Variants in SEPTIN4 observed in about 807,000 individuals in gnomAD.
SEPTIN4 encodes septin-4.
Under a neutral mutation model 107.1 loss-of-function variants are expected in SEPTIN4, and 52 were observed. The observed-to-expected ratio is 0.49, with a 90% CI of 0.39 to 0.61. The LOEUF (loss-of-function observed/expected upper bound fraction) is 0.61, where lower values mean the gene tolerates loss of function less well. Ranked by LOEUF, SEPTIN4 falls within the 20% of genes least tolerant of loss-of-function variation. The pLI is 0.00. For missense variants in SEPTIN4, 1,048 were observed against 1,243.5 expected (o/e 0.84, Z 2.36); for synonymous variants, 417 against 467.0 (o/e 0.89, Z 1.38).
rs1178100168 is a variant in SEPTIN4 at position 58,542,710 on chromosome 17, T to C, written c.1477A>G (p.Ser493Gly). 17 of 1,614,212 alleles carry C rather than the reference T, an allele frequency of 1.1e-5. No homozygotes were observed. Among genetic ancestry groups the C allele is most frequent in the Non-Finnish European group, 1.2e-5 (14 of 1,180,040 alleles). ...SPPSPPKEFP[S>G]WAPLSEVPQT... is the part of the protein sequence containing the mutation. ...GGCACTTCACTCAGTGGTGCCCAAC[T>C]TGGAAACTCCTTTGGTGGTGATGGT... Residue 493 changes from serine (S) to glycine (G), a missense_variant, in exon 1 of 14, where the codon AGT becomes GGT. By Grantham distance (56) the Ser-to-Gly change is moderately conservative. Transcript: ENST00000672673.
Position 58,542,012 on chromosome 17 carries a change from G to A in SEPTIN4, c.1562-46C>T, listed in dbSNP as rs776841390. On this transcript the variant is annotated intron_variant, in intron 1 of 13. Coordinates refer to ENST00000672673, the MANE Select transcript of SEPTIN4 (RefSeq NM_001368771.2). ...GTTGCTTTTCTTCTCTCTGTGGGATGCACATCCCACTCTCCACTACTTGCA... is the reference window on the plus strand; with the variant it reads ...GTTGCTTTTCTTCTCTCTGTGGGATACACATCCCACTCTCCACTACTTGCA... 1.9e-6 allele frequency: 3 copies of A among 1,593,382 alleles called. No homozygotes were observed. The African/African-American group carries it at 4.0e-5, about 21-fold the overall frequency.
At chr17:58,528,508 T>C (rs556500390) in intron 3 of SEPTIN4, 1 of 152,726 alleles carries the variant, frequency 6.5e-6, no homozygotes, top group East Asian at 1.9e-4. Flanking sequence ...ACCTATGACA[T>C]TTGTGAGGTC....
rs1353834262 is a variant in SEPTIN4 at position 58,541,924 on chromosome 17, T to C, written c.1604A>G (p.Lys535Arg). 5.0e-6 allele frequency: 8 copies of C among 1,614,012 alleles called. No individual in the cohort carries two copies. The highest frequency in any genetic ancestry group is 5.9e-6 in the Non-Finnish European group (7 of 1,179,990). The stretch of plus-strand genomic sequence containing the variant: ...CCATAGGAGGGAAAAGCACAGACCT[T>C]TTAGCCACCAGATGACACGATTGTA... ...EMYNRVIWWL[K>R]DEEIKRFLED... The change falls in exon 2 of 14, where the codon AAA (lysine) becomes AGA (arginine). Residue 535 changes from lysine to arginine, a missense_variant and splice_region_variant. By Grantham distance (26) the Lys-to-Arg change is conservative. Transcript: ENST00000672673.
At chr17:58,531,806 G>T in intron 3 of SEPTIN4, 1 of 671,530 alleles carries the variant, frequency 1.5e-6, no homozygotes, top group Non-Finnish European at 1.9e-6. Flanking sequence ...CCGCCCGGCA[G>T]CAGTGCCAGC....
At position 58,543,554 on chromosome 17, in the gene SEPTIN4, C is replaced by T. The variant is rs139661038; in HGVS notation, c.633G>A (p.Thr211=). The T allele has an allele frequency of 8.1e-6, 13 of 1,613,994 alleles. No homozygotes were observed. Among genetic ancestry groups the T allele is most frequent in the Non-Finnish European group, 1.0e-5 (12 of 1,180,030 alleles). Residue 211 remains threonine (T), a synonymous_variant, in exon 1 of 14, where the codon ACG becomes ACA. Coordinates refer to ENST00000672673, the MANE Select transcript of SEPTIN4 (RefSeq NM_001368771.2). The stretch of plus-strand genomic sequence containing the variant: ...TTGGAGATCTGATCTCACTAGTAGT[C>T]GTAATTCTTTGGATGGGCTCAGTTT... ...AVQTEPIQRI[T]TTSEIRSPRS...
At chr17:58,527,169 TCC>T in intron 3 of SEPTIN4, 191 bp from the exon 4 acceptor site, 1 of 1,002,912 alleles carries the variant, frequency 1.0e-6, no homozygotes, top group Non-Finnish European at 1.6e-6. Flanking sequence ...CTCACAAGCC[TCC>T]CCAATCCAAT....
At position 58,533,249 on chromosome 17, in the gene SEPTIN4, A is replaced by G. The variant is rs189466054; in HGVS notation, c.1615-6271T>C. ...CTGGAGATGTTATTGGCTGTTTGGC[A>G]CTGGTGGACTGGAAGATGGCAGGGT... On this transcript the variant is annotated intron_variant, in intron 3 of 13. Transcript: ENST00000672673. 2.8e-3 allele frequency among the ~76,000 whole-genome samples: 423 copies of G among 152,276 alleles called. 2 individuals are homozygous for G. Among genetic ancestry groups the G allele is most frequent in the Middle Eastern group, 0.017 (5 of 294 alleles).
Position 58,538,679 on chromosome 17 carries a change from C to A in SEPTIN4, c.1614+1987G>T, listed in dbSNP as rs566391287. On this transcript the variant is annotated intron_variant, in intron 3 of 13. Coordinates refer to ENST00000672673, the MANE Select transcript of SEPTIN4 (RefSeq NM_001368771.2). The surrounding 1 kb of genome is among the most constrained non-coding windows in gnomAD (Gnocchi z 4.7). ...AATGCTTCCCTTAGTCCAGCATAAC[C>A]TCCTCTGGGGAGACTCCTGCCCCTA... Among the ~76,000 whole-genome samples the A allele has an allele frequency of 5.9e-5, 9 of 152,316 alleles. No individual in the cohort carries two copies. The South Asian group carries it at 1.9e-3, about 32-fold the overall frequency.
At position 58,521,910 on chromosome 17, in the gene SEPTIN4, TG is replaced by T; in HGVS notation, c.2351+56del. On this transcript the variant is annotated intron_variant, in intron 8 of 13. Transcript: ENST00000672673. The surrounding 1 kb of genome is among the most constrained non-coding windows in gnomAD (Gnocchi z 6.4). ...GTGGCAGCCCTGCCCCTGGTGCTCT[TG>T]GCCTGTTCCCTTGACAGCACCCGGT... 1 of 1,614,248 alleles carries T rather than the reference TG, an allele frequency of 6.2e-7. No individual in the cohort carries two copies. Among genetic ancestry groups the T allele is most frequent in the Non-Finnish European group, 8.5e-7 (1 of 1,180,038 alleles).
At chr17:58,527,022 A>C (rs780444792) in intron 3 of SEPTIN4, 44 bp from the exon 4 acceptor site, 1 of 1,613,394 alleles carries the variant, frequency 6.2e-7, no homozygotes, top group Admixed American at 1.7e-5. Flanking sequence ...GGTGCCGGGA[A>C]GGGAGCCGGA....
In SEPTIN4 at chr17:58,543,828, T is replaced by C. The variant is rs532746139; in HGVS notation, c.359A>G (p.Gln120Arg). Residue 120 changes from glutamine to arginine, a missense_variant, in exon 1 of 14, where the codon CAA (glutamine) becomes CGA (arginine). Physicochemically the swap from Gln to Arg is conservative, Grantham distance 43 (BLOSUM62 1). Transcript: ENST00000672673. ...CTCTCTGGGTGGACTAACTTTCCAT[T>C]GTCTGCTTGAAGCATGGGAAGCCAG... ...QTLASHASSR[Q>R]WKVSPPREEA... The C allele has an allele frequency of 6.2e-7, 1 of 1,614,178 alleles. No individual in the cohort carries two copies. Among genetic ancestry groups the C allele is most frequent in the East Asian group, 2.2e-5 (1 of 44,874 alleles).
intron 3 of SEPTIN4, 106 bp downstream of exon 3, chr17:58,540,560 A>G: frequency 1.2e-6 from 1 of 862,204 alleles, no homozygotes; most frequent in Non-Finnish European, 1.6e-6. Context: ...CATAGGGAGC[A>G]GCTCTGTCTC....
intron 7 of SEPTIN4, chr17:58,524,621 C>T (rs1431177827): frequency 7.1e-6 from 1 of 141,584 alleles, no homozygotes; most frequent in African/African-American, 2.7e-5. Flanking sequence ...GGCTATAGTG[C>T]AGTAGTGCAA....
At chr17:58,527,133 A>G in intron 3 of SEPTIN4, 155 bp from the exon 4 acceptor site, 1 of 1,244,822 alleles carries the variant, frequency 8.0e-7, no homozygotes, top group Non-Finnish European at 1.2e-6. Context: ...AGACAGAGGA[A>G]GTGCTCACCA....
chr17:58,535,698 T>C (rs2043686939), intron 3 of SEPTIN4, among the ~76,000 whole-genome samples: 1 of 152,242 alleles, frequency 6.6e-6, no homozygotes, highest in Non-Finnish European at 1.5e-5. Context: ...CCCATCTGTA[T>C]ACTTTTCTCT....
chr17:58,531,326 C>A (rs2043443861), intron 3 of SEPTIN4: 3 of 152,594 alleles, frequency 2.0e-5, no homozygotes, highest in African/African-American at 7.2e-5. Flanking sequence ...CAGGAGGAAG[C>A]TTTCCCATGG....
chr17:58,533,046 T>C (rs2043577397), intron 3 of SEPTIN4, among the ~76,000 whole-genome samples: 1 of 152,120 alleles, frequency 6.6e-6, no homozygotes, highest in South Asian at 2.1e-4. Context: ...TGGACAAAAC[T>C]GAGACCCACA....
intron 3 of SEPTIN4, among the ~76,000 whole-genome samples, chr17:58,539,897 C>T (rs2043830536): frequency 6.6e-6 from 1 of 152,186 alleles, no homozygotes; most frequent in Non-Finnish European, 1.5e-5. Context: ...AGGTGGCAGC[C>T]TTGTTTCTGG....
chr17:58,524,950 A>G, intron 7 of SEPTIN4, 128 bp downstream of exon 7: 1 of 1,160,316 alleles, frequency 8.6e-7, no homozygotes, highest in Non-Finnish European at 1.2e-6. Context: ...CCAGTAAGGG[A>G]AGTCACATGC....
Sources: gnomAD v4.1 joint callset for allele counts (sites outside exome capture counted in the v4.1 genomes callset) on GRCh38, gnomAD v4.1.1 for gene constraint, Gnocchi (gnomAD v3.1) non-coding constraint, MANE v1.5 for transcripts, NCBI Gene and HGNC (gene_info 2026-07-23, HGNC 2026-07-21) for gene names.